RASSF9: variants seen among roughly 807,000 people sequenced by gnomAD.
The protein encoded by RASSF9 is Ras association domain family member 9.
Under a neutral mutation model 21.4 loss-of-function variants are expected in RASSF9, and 18 were observed. The ratio of observed to expected loss-of-function variants is 0.84; its 90% CI spans 0.58 to 1.25. The LOEUF is 1.25. RASSF9 is among the 50% of genes most tolerant of loss of function. The pLI, the probability that RASSF9 is intolerant of heterozygous loss-of-function variation, is 0.00. For synonymous variants in RASSF9, 183 were observed against 179.1 expected, an observed-to-expected ratio of 1.02 and a Z score of -0.18; for missense variants, 480 against 503.2, an observed-to-expected ratio of 0.95 and a Z score of 0.44.
At position 85,804,588 on chromosome 12, in the gene RASSF9, T is replaced by C. The variant is rs758951238; in HGVS notation, c.*114A>G. 5 of 1,093,970 alleles carry C rather than the reference T, an allele frequency of 4.6e-6. No homozygotes were observed. The highest frequency in any genetic ancestry group is 6.2e-6 in the Non-Finnish European group (5 of 801,246). 67.8% of individuals were successfully genotyped at this position (1,093,970 alleles called of 1,614,324 possible). A position where few individuals can be genotyped will look rare whatever the true frequency, so the allele number is the denominator to read the frequency against. ...ACATTTCTCGAGTTTTTATTAACTA[T>C]TGAATACTACAATATGATTTACATT... On this transcript the variant is annotated 3_prime_UTR_variant, in exon 2 of 2. Coordinates refer to ENST00000361228, the MANE Select transcript of RASSF9 (RefSeq NM_005447.4).
intron 1 of RASSF9, among the ~76,000 whole-genome samples, chr12:85,830,643 T>C (rs1880430352): frequency 6.6e-6 from 1 of 152,118 alleles, no homozygotes; most frequent in South Asian, 2.1e-4. Context: ...CCTCTGAGTA[T>C]AATTTTCCTT....
At chr12:85,816,862 G>A (rs920346225) in intron 1 of RASSF9, among the ~76,000 whole-genome samples, 2 of 152,046 alleles carry the variant, frequency 1.3e-5, no homozygotes, top group African/African-American at 4.8e-5. Flanking sequence ...GTCTTATGGA[G>A]AATGAGGTCC....
chr12:85,825,041 T>C lies in RASSF9; in HGVS notation c.47+11114A>G, dbSNP rs1184852686. ...ATTTATGAGAGGAAGTCTCACTCCGTGACCAGGCTGGAGTACAGTGGTGCG... is the reference window on the plus strand; with the variant it reads ...ATTTATGAGAGGAAGTCTCACTCCGCGACCAGGCTGGAGTACAGTGGTGCG... On this transcript the variant is annotated intron_variant, in intron 1 of 1. Transcript: ENST00000361228. Among the ~76,000 whole-genome samples, 3 of 152,276 alleles carry C rather than the reference T, an allele frequency of 2.0e-5. No individual in the cohort carries two copies. The South Asian group carries it at 6.2e-4, about 32-fold the overall frequency.
rs1227069122 is a variant in RASSF9 at position 85,803,347 on chromosome 12, C to T, written c.*1355G>A. On this transcript the variant is annotated 3_prime_UTR_variant, in exon 2 of 2. Transcript: ENST00000361228. ...ATATTTCTACTTACATGTGCAGTGA[C>T]ACACAGGAAAGATATCAGCTAAATA... 1 of 152,008 alleles carries T rather than the reference C, an allele frequency of 6.6e-6. No individual in the cohort carries two copies. Among genetic ancestry groups the T allele is most frequent in the Non-Finnish European group, 1.5e-5 (1 of 68,014 alleles). 9.4% of individuals were successfully genotyped at this position (152,008 alleles called of 1,614,324 possible). A position where few individuals can be genotyped will look rare whatever the true frequency, so the allele number is the denominator to read the frequency against.
In RASSF9 at chr12:85,836,276, A is replaced by T; in HGVS notation, c.-75T>A. ...TGGGGGTGGGGGTGTCTGGATTTCC[A>T]GGGTGAAGGGAGGAGGGCTGGAAGC... On this transcript the variant is annotated 5_prime_UTR_variant, in exon 1 of 2. Coordinates refer to ENST00000361228, the MANE Select transcript of RASSF9 (RefSeq NM_005447.4). 6.5e-7 allele frequency: 1 copy of T among 1,534,208 alleles called. No individual in the cohort carries two copies. The highest frequency in any genetic ancestry group is 8.8e-7 in the Non-Finnish European group (1 of 1,133,918).
chr12:85,832,083 T>C (rs1880464131), intron 1 of RASSF9, among the ~76,000 whole-genome samples: 2 of 151,946 alleles, frequency 1.3e-5, no homozygotes, highest in Admixed American at 1.3e-4. Context: ...CATATATCAG[T>C]ACGTTTTGTG....
intron 1 of RASSF9, among the ~76,000 whole-genome samples, chr12:85,808,898 G>T (rs1432592459): frequency 1.3e-5 from 2 of 151,928 alleles, no homozygotes; most frequent in African/African-American, 4.8e-5. Flanking sequence ...GGACAAATTT[G>T]TTTTATGTTA....
At chr12:85,818,754 A>T (rs1880135599) in intron 1 of RASSF9, among the ~76,000 whole-genome samples, 1 of 152,136 alleles carries the variant, frequency 6.6e-6, no homozygotes, top group South Asian at 2.1e-4. Context: ...AGGTCAAGAA[A>T]TCGAGACCAT....
chr12:85,825,773 A>C (rs976379760), intron 1 of RASSF9, among the ~76,000 whole-genome samples: 1 of 142,774 alleles, frequency 7.0e-6, no homozygotes, highest in East Asian at 2.0e-4. Context: ...GGTAAAAATA[A>C]TGTGATCTTT....
chr12:85,835,863 T>C (rs1880548734), intron 1 of RASSF9, among the ~76,000 whole-genome samples: 1 of 152,146 alleles, frequency 6.6e-6, no homozygotes, highest in Non-Finnish European at 1.5e-5. Context: ...TTGCTAGTTG[T>C]GGAAACAGGA....
At position 85,805,790 on chromosome 12, in the gene RASSF9, G is replaced by A. The variant is rs1160960744; in HGVS notation, c.220C>T (p.Pro74Ser). ...TTCTCTATGATGCAGTAATCACTGG[G>A]CTTCCCCAGAAGAAATCGTTTCTCT... ...FGEKRFLLGK[P>S]SDYCIIEKWR... is the part of the protein sequence containing the mutation. The change falls in exon 2 of 2, where the codon CCC becomes TCC. Residue 74 changes from proline to serine, a missense_variant. By Grantham distance (74) the Pro-to-Ser change is moderately conservative. Transcript: ENST00000361228. The A allele has an allele frequency of 6.2e-7, 1 of 1,613,844 alleles. No individual in the cohort carries two copies.
intron 1 of RASSF9, among the ~76,000 whole-genome samples, chr12:85,818,697 A>C (rs2136557035): frequency 6.6e-6 from 1 of 152,042 alleles, no homozygotes; most frequent in African/African-American, 2.4e-5. Flanking sequence ...GTGGTGGCTC[A>C]CGTCTGTAAT....
At chr12:85,817,778 A>G (rs1238796654) in intron 1 of RASSF9, among the ~76,000 whole-genome samples, 2 of 152,226 alleles carry the variant, frequency 1.3e-5, no homozygotes, top group African/African-American at 2.4e-5. Flanking sequence ...AAAAAAGTAC[A>G]TGTTTAGAGA....
intron 1 of RASSF9, among the ~76,000 whole-genome samples, chr12:85,817,878 GA>G (rs1171946471): frequency 1.3e-5 from 2 of 152,056 alleles, no homozygotes; most frequent in African/African-American, 4.8e-5. Flanking sequence ...TTTCAGAGAA[GA>G]AAAACAACAA....
intron 1 of RASSF9, among the ~76,000 whole-genome samples, chr12:85,811,907 A>C (rs191236704): frequency 1.0e-3 from 154 of 151,902 alleles, no homozygotes; most frequent in African/African-American, 3.6e-3. Flanking sequence ...TCTGATTAAA[A>C]CTCATCACAA....
chr12:85,833,831 G>A (rs1880505446), intron 1 of RASSF9, among the ~76,000 whole-genome samples: 1 of 151,784 alleles, frequency 6.6e-6, no homozygotes, highest in Non-Finnish European at 1.5e-5. Flanking sequence ...GTCTGTATTT[G>A]AAGAATATAG....
chr12:85,836,320 G>A lies in RASSF9; in HGVS notation c.-119C>T. 1 of 1,526,780 alleles carries A rather than the reference G, an allele frequency of 6.5e-7. No homozygotes were observed. Among genetic ancestry groups the A allele is most frequent in the Non-Finnish European group, 8.8e-7 (1 of 1,136,070 alleles). 94.6% of individuals were successfully genotyped at this position (1,526,780 alleles called of 1,614,324 possible). ...TGGAAGCTTTCTCTTCTCCTCGGAT[G>A]TTCCTGGCTTTCAGCTCATTAGTAG... On this transcript the variant is annotated 5_prime_UTR_variant, in exon 1 of 2. Coordinates refer to ENST00000361228, the MANE Select transcript of RASSF9 (RefSeq NM_005447.4).
rs1879716951 is a variant in RASSF9 at position 85,802,032 on chromosome 12, T to C, written c.*2670A>G. On this transcript the variant is annotated 3_prime_UTR_variant, in exon 2 of 2. Transcript: ENST00000361228. ...TGGAAAGGGTAAGATTTCAGAGCAT[T>C]GCAGAAGGATAAAAAGGAGAATTCC... 1 of 152,170 alleles carries C rather than the reference T, an allele frequency of 6.6e-6. No homozygotes were observed. The highest frequency in any genetic ancestry group is 1.5e-5 in the Non-Finnish European group (1 of 68,034). The allele number at this position is 152,170 out of a possible 1,614,324, so 9.4% of individuals were successfully genotyped here.
chr12:85,818,140 G>T (rs754427065), intron 1 of RASSF9, among the ~76,000 whole-genome samples: 8 of 152,156 alleles, frequency 5.3e-5, no homozygotes, highest in Non-Finnish European at 1.2e-4. Flanking sequence ...GAACAGTTGA[G>T]GATAGGTAAA....
Sources: gnomAD v4.1 joint callset for allele counts (sites outside exome capture counted in the v4.1 genomes callset) on GRCh38, gnomAD v4.1.1 for gene constraint, MANE v1.5 for transcripts, NCBI Gene and HGNC (gene_info 2026-07-23, HGNC 2026-07-21) for gene names.